MAN1A2: variants seen among roughly 807,000 people sequenced by gnomAD.
The protein encoded by MAN1A2 is mannosyl-oligosaccharide 1,2-alpha-mannosidase IB.
A neutral mutation model predicts 75.7 loss-of-function variants in MAN1A2; 26 were observed. The observed-to-expected ratio is 0.34, with a 90% confidence interval of 0.25 to 0.48. MAN1A2 has a LOEUF of 0.48. Ranked by LOEUF, MAN1A2 falls within the 20% of genes least tolerant of loss-of-function variation. The pLI is 0.99. For synonymous variants in MAN1A2, 247 were observed against 264.6 expected, an observed-to-expected ratio of 0.93 and a Z score of 0.65; for missense variants, 562 against 775.5, an observed-to-expected ratio of 0.72 and a Z score of 3.27.
intron 1 of MAN1A2, among the ~76,000 whole-genome samples, chr1:117,388,900 G>C (rs867047217): frequency 6.6e-6 from 1 of 152,146 alleles, no homozygotes; most frequent in East Asian, 1.9e-4. Flanking sequence ...TGTCTTCACA[G>C]ATAACCCATA....
At chr1:117,509,042 C>A (rs1021886327) in intron 12 of MAN1A2, among the ~76,000 whole-genome samples, 1 of 149,452 alleles carries the variant, frequency 6.7e-6, no homozygotes. Context: ...TTTTTCAACC[C>A]TAGGGATGAA....
intron 8 of MAN1A2, among the ~76,000 whole-genome samples, chr1:117,470,147 T>A (rs554615283): frequency 6.6e-6 from 1 of 152,214 alleles, no homozygotes; most frequent in Admixed American, 6.6e-5. Flanking sequence ...AGGAATGGAG[T>A]TCTGATACAT....
intron 12 of MAN1A2, among the ~76,000 whole-genome samples, chr1:117,522,477 A>G (rs1651894556): frequency 6.6e-6 from 1 of 151,892 alleles, no homozygotes; most frequent in South Asian, 2.1e-4. Flanking sequence ...AAGGGCATAT[A>G]TGAAAAACCT....
chr1:117,458,501 A>ATC (rs1649680303), intron 6 of MAN1A2, among the ~76,000 whole-genome samples: 3 of 105,156 alleles, frequency 2.9e-5, no homozygotes, highest in South Asian at 3.5e-4. Flanking sequence ...ATATATCTAT[A>ATC]TATATATATA....
chr1:117,368,629 A>G, intron 1 of MAN1A2, 144 bp downstream of exon 1: 1 of 730,666 alleles, frequency 1.4e-6, no homozygotes, highest in Non-Finnish European at 2.2e-6. Context: ...GACTGGCTGA[A>G]TAAAACCATA....
chr1:117,414,748 T>G lies in MAN1A2; in HGVS notation c.691T>G (p.Leu231Val). The change falls in exon 4 of 13, where the codon TTG becomes GTG. Residue 231 changes from leucine to valine, a missense_variant. By Grantham distance (32) the Leu-to-Val change is conservative. Coordinates refer to ENST00000356554, the MANE Select transcript of MAN1A2 (RefSeq NM_006699.5). ...SQMGATIVDA[L>V]DTLYIMGLHD... ...AATGGGTGCTACCATAGTAGATGCT[T>G]TGGATACCCTTTATATCATGGGACT... 1 of 1,608,590 alleles carries G rather than the reference T, an allele frequency of 6.2e-7. No homozygotes were observed. The highest frequency in any genetic ancestry group is 8.5e-7 in the Non-Finnish European group (1 of 1,175,796).
At chr1:117,373,311 C>T (rs1003291966) in intron 1 of MAN1A2, among the ~76,000 whole-genome samples, 4 of 151,816 alleles carry the variant, frequency 2.6e-5, no homozygotes, top group South Asian at 2.1e-4. Flanking sequence ...GTTTGGGCGA[C>T]GTCACATTGT....
chr1:117,462,261 C>T (rs1649845607), intron 7 of MAN1A2, among the ~76,000 whole-genome samples: 1 of 151,944 alleles, frequency 6.6e-6, no homozygotes, highest in African/African-American at 2.4e-5. Context: ...TGTACATTTA[C>T]ATTGTATACG....
intron 5 of MAN1A2, among the ~76,000 whole-genome samples, chr1:117,429,055 C>G (rs1648485054): frequency 6.8e-6 from 1 of 147,176 alleles, no homozygotes; most frequent in East Asian, 2.0e-4. Flanking sequence ...ATATCTTGCA[C>G]CGCCCTTAAT....
chr1:117,522,873 C>G lies in MAN1A2; in HGVS notation c.1842C>G (p.His614Gln), dbSNP rs1274872825. The G allele has an allele frequency of 6.2e-7, 1 of 1,611,630 alleles. No individual in the cohort carries two copies. Among genetic ancestry groups the G allele is most frequent in the Non-Finnish European group, 8.5e-7 (1 of 1,178,436 alleles). The part of the protein sequence containing the change: ...FSGDDLLPLD[H>Q]WVFNTEAHPL... The stretch of plus-strand genomic sequence containing the variant: ...GTGATGACCTTTTACCTTTAGACCA[C>G]TGGGTGTTTAATACAGAGGCTCACC... The change falls in exon 13 of 13, where the codon CAC becomes CAG. Residue 614 changes from histidine to glutamine, a missense_variant. This residue lies in a region of MAN1A2 where 434 missense variants were observed against 645.7 expected (regional missense o/e 0.67). Coordinates refer to ENST00000356554, the MANE Select transcript of MAN1A2 (RefSeq NM_006699.5).
At position 117,499,500 on chromosome 1, in the gene MAN1A2, A is replaced by C. The variant is rs145127835; in HGVS notation, c.1623A>C (p.Leu541=). ...RPEVIETYWY[L]WRFTHDPRYR... ...AAGTAATTGAAACCTATTGGTACCT[A>C]TGGCGATTCACTCACGATCCAAGAT... The change falls in exon 11 of 13, where the codon CTA becomes CTC. Residue 541 remains leucine (L), a synonymous_variant. Coordinates refer to ENST00000356554, the MANE Select transcript of MAN1A2 (RefSeq NM_006699.5). The C allele has an allele frequency of 1.2e-6, 2 of 1,608,080 alleles. No individual in the cohort carries two copies. The highest frequency in any genetic ancestry group is 2.7e-5 in the African/African-American group (2 of 74,440).
chr1:117,410,165 G>A (rs544989046), intron 3 of MAN1A2, among the ~76,000 whole-genome samples: 38 of 151,680 alleles, frequency 2.5e-4, no homozygotes, highest in African/African-American at 6.3e-4. Flanking sequence ...AATATTTTCC[G>A]TCTACCGTTG....
chr1:117,478,658 G>A lies in MAN1A2; in HGVS notation c.1168+12231G>A, dbSNP rs937983394. On this transcript the variant is annotated intron_variant, in intron 8 of 12. Coordinates refer to ENST00000356554, the MANE Select transcript of MAN1A2 (RefSeq NM_006699.5). The stretch of plus-strand genomic sequence containing the variant: ...ATATTCTATTATTTCAGCATCATTG[G>A]TTGAAAAGGCTTTCCTTTTTTCACT... Among the ~76,000 whole-genome samples, 6 of 151,936 alleles carry A rather than the reference G, an allele frequency of 3.9e-5. No individual in the cohort carries two copies. In the East Asian group the frequency reaches 1.2e-3, roughly 30 times the overall value.
At chr1:117,429,229 G>A (rs937789691) in intron 5 of MAN1A2, among the ~76,000 whole-genome samples, 18 of 144,156 alleles carry the variant, frequency 1.2e-4, no homozygotes, top group Non-Finnish European at 2.8e-4. Flanking sequence ...GCAACCATCC[G>A]ATTTCTCAAT....
chr1:117,494,828 G>C (rs1008016980), intron 9 of MAN1A2: 1 of 151,880 alleles, frequency 6.6e-6, no homozygotes, highest in Non-Finnish European at 1.5e-5. Context: ...ATTCCCACTA[G>C]ACTGTGGCCT....
chr1:117,414,024 C>T lies in MAN1A2; in HGVS notation c.656-689C>T, dbSNP rs1647907560. Among the ~76,000 whole-genome samples, 4 of 151,580 alleles carry T rather than the reference C, an allele frequency of 2.6e-5. No individual in the cohort carries two copies. In the South Asian group the frequency reaches 8.3e-4, roughly 32 times the overall value. ...TTTGAATTAATTCTTCCCTCTCTTC[C>T]TCCCTTTCTCTCTTGCTTTCTTCCC... is the stretch of plus-strand genomic sequence containing the variant. On this transcript the variant is annotated intron_variant, in intron 3 of 12. Coordinates refer to ENST00000356554, the MANE Select transcript of MAN1A2 (RefSeq NM_006699.5).
chr1:117,391,290 A>G (rs1361047459), intron 1 of MAN1A2, among the ~76,000 whole-genome samples: 1 of 152,128 alleles, frequency 6.6e-6, no homozygotes, highest in Non-Finnish European at 1.5e-5. Context: ...TGTTCTGTAA[A>G]TGTCAATTAG....
At chr1:117,450,456 C>T (rs963812386) in intron 6 of MAN1A2, among the ~76,000 whole-genome samples, 5 of 152,264 alleles carry the variant, frequency 3.3e-5, no homozygotes, top group Admixed American at 6.5e-5. Flanking sequence ...AAGAAAAGCC[C>T]GTTTTCTGAG....
At chr1:117,392,747 T>C (rs966025614) in intron 1 of MAN1A2, among the ~76,000 whole-genome samples, 3 of 152,216 alleles carry the variant, frequency 2.0e-5, no homozygotes, top group African/African-American at 7.2e-5. Context: ...CAAAATCTTT[T>C]AATAGCCAGA....
Sources: allele counts gnomAD v4.1 joint callset (sites outside exome capture counted in the v4.1 genomes callset), GRCh38; gene constraint gnomAD v4.1.1; regional missense constraint gnomAD v4.1.1; transcripts MANE v1.5; gene names NCBI Gene and HGNC (gene_info 2026-07-23, HGNC 2026-07-21).